STK3: variants seen among roughly 807,000 people sequenced by gnomAD.
STK3 encodes the protein serine/threonine kinase 3.
Under a neutral mutation model 58.0 loss-of-function variants are expected in STK3, and 41 were observed. The ratio of observed to expected loss-of-function variants is 0.71; its 90% CI spans 0.55 to 0.92. The LOEUF is 0.92. STK3 is among the 40% of genes least tolerant of loss of function. The pLI is 0.00. For synonymous variants in STK3, 170 were observed against 191.0 expected, an observed-to-expected ratio of 0.89 and a Z score of 0.91; for missense variants, 479 against 602.7, an observed-to-expected ratio of 0.79 and a Z score of 2.15.
chr8:98,915,432 C>CTATATATATATATATATATATATA (rs56187203), intron 1 of STK3, among the ~76,000 whole-genome samples: 1 of 94,720 alleles, frequency 1.1e-5, no homozygotes, highest in Non-Finnish European at 2.0e-5. Flanking sequence ...ATAAACTTTC[C>CTATATATATATATATATATATATA]TATATATATA....
chr8:98,526,135 A>G (rs1320767798), intron 10 of STK3, among the ~76,000 whole-genome samples: 1 of 151,964 alleles, frequency 6.6e-6, no homozygotes, highest in Non-Finnish European at 1.5e-5. Flanking sequence ...TTACTTTAAA[A>G]TAGTTCATCT....
At chr8:98,773,820 G>C (rs1831482040) in intron 2 of STK3, among the ~76,000 whole-genome samples, 1 of 150,980 alleles carries the variant, frequency 6.6e-6, no homozygotes, top group African/African-American at 2.4e-5. Flanking sequence ...TTTTGAGACG[G>C]AGCTTCGCTT....
Position 98,428,579 on chromosome 8 carries a change from C to G in STK3, n.483+5548G>C. On this transcript the variant is annotated intron_variant and non_coding_transcript_variant, in intron 3 of 3. Coordinates refer to the STK3 transcript ENST00000517832. The surrounding 1 kb of genome is among the most constrained non-coding windows in gnomAD (Gnocchi z 6.7). Reference sequence around the variant, plus strand: ...TGTCCATCCTGGTGGTGATGGGGTCCATCATCACCATGTGCCTCAATAGCC... The same window carrying G: ...TGTCCATCCTGGTGGTGATGGGGTCGATCATCACCATGTGCCTCAATAGCC... 6.2e-7 allele frequency: 1 copy of G among 1,614,166 alleles called. No individual in the cohort carries two copies. Among genetic ancestry groups the G allele is most frequent in the South Asian group, 1.1e-5 (1 of 91,086 alleles).
intron 6 of STK3, among the ~76,000 whole-genome samples, chr8:98,701,630 ATAT>A (rs368343147): frequency 5.0e-5 from 7 of 139,822 alleles, no homozygotes; most frequent in African/African-American, 1.8e-4. Flanking sequence ...TCAAAAAAAA[ATAT>A]ATATATATAT....
intron 6 of STK3, among the ~76,000 whole-genome samples, chr8:98,619,500 A>G (rs1438448862): frequency 1.4e-5 from 2 of 140,512 alleles, no homozygotes; most frequent in Admixed American, 1.4e-4. Context: ...CTGCACAGCA[A>G]AAGAAACTAC....
At chr8:98,527,480 T>G (rs765376506) in intron 9 of STK3, among the ~76,000 whole-genome samples, 1 of 151,944 alleles carries the variant, frequency 6.6e-6, no homozygotes, top group East Asian at 1.9e-4. Flanking sequence ...ATTAGCCAGG[T>G]GTGGTGGCAC....
At chr8:98,697,294 C>G (rs1464740829) in intron 6 of STK3, among the ~76,000 whole-genome samples, 6 of 151,862 alleles carry the variant, frequency 4.0e-5, no homozygotes, top group African/African-American at 7.3e-5. Flanking sequence ...TTTGTTGATC[C>G]TTTCAGAAAA....
At chr8:98,596,329 T>C in intron 6 of STK3, 160 bp from the exon 7 acceptor site, 2 of 710,510 alleles carry the variant, frequency 2.8e-6, no homozygotes, top group Non-Finnish European at 4.4e-6. Flanking sequence ...AGCCAGTCCA[T>C]CTGCTACTAA....
At chr8:98,809,787 C>A (rs1011988400) in intron 1 of STK3, among the ~76,000 whole-genome samples, 3 of 152,154 alleles carry the variant, frequency 2.0e-5, no homozygotes, top group Non-Finnish European at 1.5e-5. Flanking sequence ...GTACATAATG[C>A]TGCTATGAAT....
At chr8:98,551,666 C>A (rs1007359220) in intron 8 of STK3, among the ~76,000 whole-genome samples, 1 of 152,120 alleles carries the variant, frequency 6.6e-6, no homozygotes, top group Non-Finnish European at 1.5e-5. Context: ...CACAGACTGG[C>A]GCACAAGGAT....
chr8:98,792,560 C>T (rs1832872627), intron 1 of STK3, among the ~76,000 whole-genome samples: 1 of 152,104 alleles, frequency 6.6e-6, no homozygotes, highest in East Asian at 1.9e-4. Flanking sequence ...ATTAGCTGGG[C>T]ATGGTGGCGC....
chr8:98,350,114 C>A, the STK3 span, among the ~76,000 whole-genome samples: 1 of 152,138 alleles, frequency 6.6e-6, no homozygotes, highest in South Asian at 2.1e-4. Flanking sequence ...AACTGAATGC[C>A]TTTAACAGCA....
intron 1 of STK3, among the ~76,000 whole-genome samples, chr8:98,803,205 C>T (rs1031345363): frequency 1.3e-5 from 2 of 152,172 alleles, no homozygotes; most frequent in African/African-American, 4.8e-5. Flanking sequence ...ATAATTACTT[C>T]ATGAAATGCA....
At chr8:98,491,519 CA>C (rs1211032709) in intron 10 of STK3, among the ~76,000 whole-genome samples, 1 of 151,938 alleles carries the variant, frequency 6.6e-6, no homozygotes, top group Admixed American at 6.5e-5. Flanking sequence ...CAGCTCACTG[CA>C]ACCTCCACCT....
chr8:98,846,319 T>C (rs1727826001), intron 3 of STK3, among the ~76,000 whole-genome samples: 1 of 152,224 alleles, frequency 6.6e-6, no homozygotes, highest in South Asian at 2.1e-4. Context: ...CCCATGTCCC[T>C]GGGAAGGCCA....
downstream of STK3, among the ~76,000 whole-genome samples, chr8:98,370,066 A>T (rs1817595955): frequency 6.6e-6 from 1 of 150,412 alleles, no homozygotes; most frequent in Non-Finnish European, 1.5e-5. Flanking sequence ...CCTCACAGTC[A>T]GACATCAAAA....
At chr8:98,365,057 G>A in the STK3 span, among the ~76,000 whole-genome samples, 4 of 152,088 alleles carry the variant, frequency 2.6e-5, no homozygotes, top group Non-Finnish European at 5.9e-5. Context: ...TCACCATCCC[G>A]GTGCATTCCC....
At chr8:98,713,380 C>T (rs1404349917) in intron 4 of STK3, among the ~76,000 whole-genome samples, 1 of 151,490 alleles carries the variant, frequency 6.6e-6, no homozygotes, top group Admixed American at 6.6e-5. Flanking sequence ...AAATAGACCG[C>T]TAGCAAGACT....
chr8:98,598,436 G>A, intron 6 of STK3: 1 of 978,610 alleles, frequency 1.0e-6, no homozygotes, highest in Non-Finnish European at 1.2e-6. Context: ...ATAAGTCTTA[G>A]CGTATGATCT....
Sources: allele counts gnomAD v4.1 joint callset (sites outside exome capture counted in the v4.1 genomes callset), GRCh38; gene constraint gnomAD v4.1.1; non-coding constraint Gnocchi (gnomAD v3.1); transcripts MANE v1.5; gene names NCBI Gene and HGNC (gene_info 2026-07-23, HGNC 2026-07-21).